Variants in CAPN13 observed in about 807,000 individuals in gnomAD.
The protein encoded by CAPN13 is calpain-13.
In CAPN13, 90 loss-of-function variants were observed where a neutral mutation model predicts 98.4. The ratio of observed to expected loss-of-function variants is 0.92; its 90% CI spans 0.77 to 1.09. The LOEUF (loss-of-function observed/expected upper bound fraction) is 1.09, where lower values mean the gene tolerates loss of function less well. Among genes scored for constraint, CAPN13 ranks in the 50% least tolerant of loss-of-function variants. The pLI, the probability that CAPN13 is intolerant of heterozygous loss-of-function variation, is 0.00. For synonymous variants in CAPN13, 330 were observed against 305.5 expected, an observed-to-expected ratio of 1.08 and a Z score of -0.84; for missense variants, 887 against 841.3, an observed-to-expected ratio of 1.05 and a Z score of -0.67.
At chr2:30,776,075 G>C in intron 3 of CAPN13, 30 bp from the exon 4 acceptor site, 1 of 1,478,988 alleles carries the variant, frequency 6.8e-7, no homozygotes, top group South Asian at 1.2e-5. Context: ...AGGAAAGGCT[G>C]ATTGGACACA....
chr2:30,800,382 C>T (rs934703961), intron 1 of CAPN13, among the ~76,000 whole-genome samples: 2 of 152,212 alleles, frequency 1.3e-5, no homozygotes, highest in Admixed American at 1.3e-4. Flanking sequence ...CTCTTCTCTC[C>T]TTACTGCCCT....
At chr2:30,758,314 G>T (rs1196566571) in intron 7 of CAPN13, among the ~76,000 whole-genome samples, 177 bp from the exon 8 acceptor site, 2 of 152,174 alleles carry the variant, frequency 1.3e-5, no homozygotes, top group Non-Finnish European at 2.9e-5. Flanking sequence ...CTGCCTGCAT[G>T]GCGTTGGAAT....
At chr2:30,804,712 T>C (rs1429989922) in intron 1 of CAPN13, among the ~76,000 whole-genome samples, 2 of 152,152 alleles carry the variant, frequency 1.3e-5, no homozygotes, top group Admixed American at 1.3e-4. Context: ...TCTGCTCCCA[T>C]CTTTTGCATG....
chr2:30,776,594 G>A (rs1202413882), intron 3 of CAPN13, among the ~76,000 whole-genome samples: 2 of 152,100 alleles, frequency 1.3e-5, no homozygotes, highest in Admixed American at 6.5e-5. Flanking sequence ...AAACTGATTC[G>A]CGTTTTTCTT....
chr2:30,764,154 A>T lies in CAPN13; in HGVS notation c.677T>A (p.Ile226Lys). 6.3e-7 allele frequency: 1 copy of T among 1,580,680 alleles called. No individual in the cohort carries two copies. Among genetic ancestry groups the T allele is most frequent in the Non-Finnish European group, 8.6e-7 (1 of 1,162,892 alleles). ...VKTATKAGSL[I>K]TCATPSGPTD... The stretch of plus-strand genomic sequence containing the variant: ...TACCCCACTTGGAGTGGCACAGGTT[A>T]TCAGGGAGCCTGCCTTGGTCGCTGT... The change falls in exon 6 of 23, where the codon ATA becomes AAA. Residue 226 changes from isoleucine to lysine, a missense_variant. Physicochemically the swap from Ile to Lys is moderately radical, Grantham distance 102. Coordinates refer to ENST00000295055, the MANE Select transcript of CAPN13 (RefSeq NM_144575.3).
At position 30,770,405 on chromosome 2, in the gene CAPN13, G is replaced by A; in HGVS notation, c.432C>T (p.Arg144=). 6.2e-7 allele frequency: 1 copy of A among 1,614,060 alleles called. No homozygotes were observed. The highest frequency in any genetic ancestry group is 8.5e-7 in the Non-Finnish European group (1 of 1,179,890). Residue 144 remains arginine, a synonymous_variant, in exon 5 of 23, where the codon CGC becomes CGT. Transcript: ENST00000295055. ...GQWVEVVIDD[R]LPVQGDKCLF... ...GGCATTTATCTCCCTGGACAGGTAG[G>A]CGGTCATCAATCACCACTTCCACCC...
In CAPN13 at chr2:30,741,833, C is replaced by T. The variant is rs114772664; in HGVS notation, c.1536+75G>A. 4.9e-4 allele frequency: 787 copies of T among 1,609,714 alleles called. 8 individuals are homozygous for T. The African/African-American group carries it at 9.3e-3, about 19-fold the overall frequency. ...TCTCCTCTCTGCATCCCAGTAAGGG[C>T]CTGTGAGAGCTGTCCCTCCCTCAGG... On this transcript the variant is annotated intron_variant, in intron 15 of 22. Coordinates refer to ENST00000295055, the MANE Select transcript of CAPN13 (RefSeq NM_144575.3).
At chr2:30,735,631 C>T (rs1245462068) in intron 18 of CAPN13, among the ~76,000 whole-genome samples, 2 of 152,186 alleles carry the variant, frequency 1.3e-5, no homozygotes, top group African/African-American at 4.8e-5. Context: ...GACATGCCAG[C>T]CGTCGCAGTG....
chr2:30,773,475 T>TTGA (rs1454819496), intron 4 of CAPN13, among the ~76,000 whole-genome samples: 1 of 152,124 alleles, frequency 6.6e-6, no homozygotes, highest in Non-Finnish European at 1.5e-5. Flanking sequence ...GAAACACACC[T>TTGA]ATAACAAAGT....
chr2:30,741,792 A>G, intron 15 of CAPN13, 116 bp downstream of exon 15: 2 of 1,554,616 alleles, frequency 1.3e-6, no homozygotes, highest in Non-Finnish European at 1.7e-6. Flanking sequence ...CAGGTAAAAT[A>G]GTCCATCAAG....
intron 1 of CAPN13, among the ~76,000 whole-genome samples, chr2:30,803,602 C>G (rs1572897175): frequency 6.6e-6 from 1 of 152,188 alleles, no homozygotes; most frequent in Non-Finnish European, 1.5e-5. Context: ...CCTGGCTGTC[C>G]TCCAGCCCAA....
Position 30,758,137 on chromosome 2 carries a change from T to C in CAPN13, c.775A>G (p.Ile259Val), listed in dbSNP as rs745973751. The C allele has an allele frequency of 2.5e-6, 4 of 1,595,298 alleles. No individual in the cohort carries two copies. The South Asian group carries it at 4.6e-5, about 18-fold the overall frequency. ...HAYTVTGAEQ[I>V]QYRRGWEEII... ...TCTTCCCAGCCCCTTCGGTATTGAA[T>C]CTGTAAAGAAAACAGAAAAGGAAAC... The change falls in exon 8 of 23, where the codon ATT becomes GTT. Residue 259 changes from isoleucine to valine, a missense_variant and splice_region_variant. Coordinates refer to ENST00000295055, the MANE Select transcript of CAPN13 (RefSeq NM_144575.3).
chr2:30,769,750 G>A (rs1465630355), intron 5 of CAPN13, among the ~76,000 whole-genome samples: 1 of 152,198 alleles, frequency 6.6e-6, no homozygotes, highest in East Asian at 1.9e-4. Context: ...TTGACCATAT[G>A]AGAATAAGCA....
intron 15 of CAPN13, among the ~76,000 whole-genome samples, chr2:30,739,633 C>A (rs1671553021): frequency 6.6e-6 from 1 of 152,176 alleles, no homozygotes. Context: ...CTTTGAACAG[C>A]AGTTAGCATG....
rs976224234 is a variant in CAPN13 at position 30,741,570 on chromosome 2, G to A, written c.1536+338C>T. 1.3e-5 allele frequency: 14 copies of A among 1,078,998 alleles called. No individual in the cohort carries two copies. In the African/African-American group the frequency reaches 2.1e-4, roughly 17 times the overall value. 66.8% of individuals were successfully genotyped at this position (1,078,998 alleles called of 1,614,324 possible). ...GAACGATGCCAGGTTGGTGGGAGGT[G>A]GCCGAGTAGGAGAAGGAAAGGTTTC... On this transcript the variant is annotated intron_variant, in intron 15 of 22. Transcript: ENST00000295055.
intron 13 of CAPN13, among the ~76,000 whole-genome samples, 154 bp from the exon 14 acceptor site, chr2:30,742,513 C>G (rs943322779): frequency 3.3e-5 from 5 of 152,246 alleles, no homozygotes; most frequent in Non-Finnish European, 7.3e-5. Context: ...GCAGCTACAG[C>G]ACCGTGGCCA....
At chr2:30,777,433 C>T (rs1047299463) in intron 3 of CAPN13, 134 bp downstream of exon 3, 20 of 729,636 alleles carry the variant, frequency 2.7e-5, no homozygotes, top group Middle Eastern at 3.7e-4. Flanking sequence ...CAGGACTGGG[C>T]GTGAGCAGTT....
chr2:30,795,379 A>G (rs1674804468), intron 1 of CAPN13, among the ~76,000 whole-genome samples: 1 of 152,082 alleles, frequency 6.6e-6, no homozygotes, highest in South Asian at 2.1e-4. Context: ...AATTTCACCA[A>G]CAGTGTAAAA....
At chr2:30,752,597 C>T (rs1288331995) in intron 10 of CAPN13, among the ~76,000 whole-genome samples, 2 of 152,182 alleles carry the variant, frequency 1.3e-5, no homozygotes, top group African/African-American at 4.8e-5. Context: ...ACAAGTATGA[C>T]TATTTCCACT....
Sources: allele counts gnomAD v4.1 joint callset (sites outside exome capture counted in the v4.1 genomes callset), GRCh38; gene constraint gnomAD v4.1.1; transcripts MANE v1.5; gene names NCBI Gene and HGNC (gene_info 2026-07-23, HGNC 2026-07-21).